Variants in CCDC178 observed in about 807,000 individuals in gnomAD.
CCDC178 encodes the protein coiled-coil domain containing 178.
CCDC178 carries 126 observed loss-of-function variants against 117.4 expected under a neutral mutation model. The observed-to-expected ratio is 1.07, with a 90% CI of 0.93 to 1.24. The LOEUF is 1.24. Among genes scored for constraint, CCDC178 ranks in the 50% most tolerant of loss-of-function variants. CCDC178 has a pLI of 0.00. For missense variants in CCDC178, 1,030 were observed against 986.9 expected (o/e 1.04, Z -0.59); for synonymous variants, 283 against 313.4 (o/e 0.90, Z 1.02).
intron 2 of CCDC178, among the ~76,000 whole-genome samples, chr18:33,416,232 C>T (rs2063938751): frequency 6.6e-6 from 1 of 152,136 alleles, no homozygotes; most frequent in Non-Finnish European, 1.5e-5. Flanking sequence ...TCGAAACCAT[C>T]CTGACTGACA....
chr18:33,362,735 C>G (rs1347678010), intron 6 of CCDC178, among the ~76,000 whole-genome samples: 3 of 151,772 alleles, frequency 2.0e-5, no homozygotes, highest in African/African-American at 7.3e-5. Context: ...CAAAAGAAAG[C>G]AGATTGGTAG....
At chr18:33,186,415 A>G (rs2058795601) in intron 20 of CCDC178, among the ~76,000 whole-genome samples, 1 of 152,118 alleles carries the variant, frequency 6.6e-6, no homozygotes, top group African/African-American at 2.4e-5. Flanking sequence ...CGCACTGACC[A>G]TAGTATGTGT....
chr18:33,438,636 T>C (rs1006184651), intron 2 of CCDC178, among the ~76,000 whole-genome samples: 5 of 151,904 alleles, frequency 3.3e-5, no homozygotes, highest in African/African-American at 1.2e-4. Flanking sequence ...CATGCAACCA[T>C]CTGCTTGTAG....
intron 20 of CCDC178, among the ~76,000 whole-genome samples, chr18:33,106,738 G>A (rs1313440638): frequency 6.6e-6 from 1 of 151,702 alleles, no homozygotes; most frequent in Non-Finnish European, 1.5e-5. Context: ...TGGATTATCT[G>A]AGTGGGACTA....
At chr18:33,062,828 C>T (rs1011649238) in intron 21 of CCDC178, among the ~76,000 whole-genome samples, 1 of 152,114 alleles carries the variant, frequency 6.6e-6, no homozygotes, top group Admixed American at 6.5e-5. Flanking sequence ...CCACATTCCA[C>T]GAGCCTCACT....
At chr18:33,409,163 G>C (rs553517451) in intron 3 of CCDC178, among the ~76,000 whole-genome samples, 1 of 152,042 alleles carries the variant, frequency 6.6e-6, no homozygotes, top group African/African-American at 2.4e-5. Flanking sequence ...AGCCGCATGC[G>C]ACATCTGCCT....
chr18:32,949,122 T>C (rs2054418735), intron 22 of CCDC178, among the ~76,000 whole-genome samples: 1 of 152,134 alleles, frequency 6.6e-6, no homozygotes, highest in South Asian at 2.1e-4. Flanking sequence ...TAACCTTATC[T>C]TTGTTCGTCG....
intron 21 of CCDC178, among the ~76,000 whole-genome samples, chr18:33,011,063 T>TAGTC (rs917803536): frequency 1.3e-5 from 2 of 152,182 alleles, no homozygotes; most frequent in Non-Finnish European, 2.9e-5. Context: ...AGTTACTCTA[T>TAGTC]AGTCTTGGGA....
chr18:33,060,740 C>T (rs968355273), intron 21 of CCDC178, among the ~76,000 whole-genome samples: 4 of 151,970 alleles, frequency 2.6e-5, no homozygotes, highest in Non-Finnish European at 4.4e-5. Flanking sequence ...TTGAGAAAAA[C>T]AGTAATGCAC....
intron 15 of CCDC178, among the ~76,000 whole-genome samples, chr18:33,228,108 T>C (rs1450320128): frequency 6.6e-6 from 1 of 152,194 alleles, no homozygotes; most frequent in Non-Finnish European, 1.5e-5. Flanking sequence ...TGTGCTTTTG[T>C]TGTGTTTTAT....
At chr18:33,338,266 T>A (rs936811200) in intron 9 of CCDC178, among the ~76,000 whole-genome samples, 5 of 152,130 alleles carry the variant, frequency 3.3e-5, no homozygotes, top group Admixed American at 2.6e-4. Context: ...GATGTTGGCA[T>A]GGATGCAGTG....
At chr18:32,979,280 C>A (rs1361122491) in intron 21 of CCDC178, among the ~76,000 whole-genome samples, 1 of 151,932 alleles carries the variant, frequency 6.6e-6, no homozygotes, top group East Asian at 2.0e-4. Context: ...CTCAGCCTCC[C>A]GAGTAGCTGG....
intron 12 of CCDC178, among the ~76,000 whole-genome samples, chr18:33,290,104 T>C (rs1279351820): frequency 2.6e-5 from 4 of 152,102 alleles, no homozygotes. Flanking sequence ...GATAGAAGTG[T>C]CAGAAAATAA....
intron 14 of CCDC178, among the ~76,000 whole-genome samples, chr18:33,247,076 G>A (rs1031652633): frequency 2.2e-3 from 9 of 4,160 alleles, no homozygotes; most frequent in African/African-American, 3.0e-3. Flanking sequence ...AGTGTGTTAC[G>A]TGTGTGTGTG....
At chr18:33,063,660 C>A (rs556412533) in intron 21 of CCDC178, among the ~76,000 whole-genome samples, 1 of 152,256 alleles carries the variant, frequency 6.6e-6, no homozygotes, top group Admixed American at 6.5e-5. Context: ...CCTTCTTGAC[C>A]CTTTGCTGCT....
At chr18:33,181,739 C>T (rs2058735106) in intron 20 of CCDC178, among the ~76,000 whole-genome samples, 1 of 151,742 alleles carries the variant, frequency 6.6e-6, no homozygotes, top group Non-Finnish European at 1.5e-5. Flanking sequence ...TTTATCTAAA[C>T]TCTGATTGAA....
intron 7 of CCDC178, among the ~76,000 whole-genome samples, chr18:33,352,408 C>T (rs1599207412): frequency 6.6e-6 from 1 of 151,984 alleles, no homozygotes; most frequent in Admixed American, 6.6e-5. Flanking sequence ...TACTGTTTTT[C>T]TAGCCTCTAT....
In CCDC178 at chr18:32,966,120, C is replaced by T. The variant is rs2054808905; in HGVS notation, c.2523+8427G>A. Among the ~76,000 whole-genome samples, 3 of 151,344 alleles carry T rather than the reference C, an allele frequency of 2.0e-5. No homozygotes were observed. The South Asian group carries it at 6.2e-4, about 31-fold the overall frequency. Reference sequence around the variant, plus strand: ...TTACTCTATAATGTATATAAATATACAAAATAGATATACAAAATAATCTAT... The same window carrying T: ...TTACTCTATAATGTATATAAATATATAAAATAGATATACAAAATAATCTAT... On this transcript the variant is annotated intron_variant, in intron 22 of 22. Transcript: ENST00000383096.
chr18:33,240,801 T>C, intron 15 of CCDC178, among the ~76,000 whole-genome samples: 1 of 151,942 alleles, frequency 6.6e-6, no homozygotes, highest in East Asian at 1.9e-4. Flanking sequence ...CAATTTCTTC[T>C]GAAACTATTC....
Sources: allele counts gnomAD v4.1 joint callset (sites outside exome capture counted in the v4.1 genomes callset), GRCh38; gene constraint gnomAD v4.1.1; transcripts MANE v1.5; gene names NCBI Gene and HGNC (gene_info 2026-07-23, HGNC 2026-07-21).